CASQ2: variants seen among roughly 807,000 people sequenced by gnomAD.
CASQ2 encodes the protein calsequestrin-2.
In CASQ2, 49 loss-of-function variants were observed where a neutral mutation model predicts 46.5. The observed-to-expected ratio is 1.05, with a 90% CI of 0.84 to 1.34. The LOEUF (loss-of-function observed/expected upper bound fraction) is 1.34, where lower values mean the gene tolerates loss of function less well. CASQ2 is among the 40% of genes most tolerant of loss of function. The probability of loss-of-function intolerance (pLI) is 0.00; values close to 1 mark genes in which losing one functional copy is unlikely to be tolerated. For missense variants in CASQ2, 486 were observed against 481.3 expected, an observed-to-expected ratio of 1.01 and a Z score of -0.09; for synonymous variants, 174 against 168.5, an observed-to-expected ratio of 1.03 and a Z score of -0.25.
intron 5 of CASQ2, among the ~76,000 whole-genome samples, chr1:115,727,877 T>G (rs1235524986): frequency 6.6e-6 from 1 of 152,236 alleles, no homozygotes; most frequent in Non-Finnish European, 1.5e-5. Flanking sequence ...GGAAGACATT[T>G]TCTCTCTGGA....
At chr1:115,719,291 G>A (rs145820201) in intron 7 of CASQ2, among the ~76,000 whole-genome samples, 63 of 152,168 alleles carry the variant, frequency 4.1e-4, no homozygotes, top group African/African-American at 1.4e-3. Flanking sequence ...GCAACCAGAA[G>A]GGGAGTCTGA....
At chr1:115,715,379 G>A (rs1178705501) in intron 8 of CASQ2, among the ~76,000 whole-genome samples, 11 of 152,076 alleles carry the variant, frequency 7.2e-5, no homozygotes, top group African/African-American at 2.2e-4. Context: ...AATATTATTC[G>A]GCCCTTAAAA....
intron 8 of CASQ2, among the ~76,000 whole-genome samples, chr1:115,711,994 A>G (rs535988725): frequency 1.3e-5 from 2 of 152,250 alleles, no homozygotes; most frequent in East Asian, 3.9e-4. Flanking sequence ...AGTTCCCACA[A>G]CATCTTAAGC....
intron 4 of CASQ2, among the ~76,000 whole-genome samples, chr1:115,733,251 A>T (rs1647848656): frequency 6.6e-6 from 1 of 152,154 alleles, no homozygotes; most frequent in Non-Finnish European, 1.5e-5. Context: ...AACCGGGAGG[A>T]AAAGAGAGAG....
intron 1 of CASQ2, among the ~76,000 whole-genome samples, chr1:115,767,547 C>A (rs1235109055): frequency 2.6e-5 from 4 of 152,132 alleles, no homozygotes; most frequent in Admixed American, 6.5e-5. Context: ...TTCTTGGCAC[C>A]CTCAGGCCCT....
chr1:115,761,427 A>AAC (rs1648935020), intron 1 of CASQ2, among the ~76,000 whole-genome samples: 1 of 2,456 alleles, frequency 4.1e-4, no homozygotes, highest in African/African-American at 2.3e-3. Flanking sequence ...GAAGAAGAAG[A>AAC]AGAAGAAGAA....
chr1:115,711,383 T>C (rs1281071202), intron 8 of CASQ2, among the ~76,000 whole-genome samples: 2 of 152,190 alleles, frequency 1.3e-5, no homozygotes, highest in African/African-American at 4.8e-5. Flanking sequence ...TTGCACAGGT[T>C]GCTTAACCGC....
At chr1:115,764,468 G>T (rs747477287) in intron 1 of CASQ2, among the ~76,000 whole-genome samples, 2 of 152,064 alleles carry the variant, frequency 1.3e-5, no homozygotes, top group Non-Finnish European at 2.9e-5. Context: ...TACTTTTATT[G>T]CCTTTTAGTT....
intron 10 of CASQ2, 36 bp downstream of exon 10, chr1:115,702,885 A>G (rs1382754339): frequency 6.6e-7 from 1 of 1,516,430 alleles, no homozygotes; most frequent in East Asian, 2.3e-5. Context: ...GGGCAGGCCA[A>G]GGGTGCCTGA....
chr1:115,738,012 C>T (rs532742001), intron 4 of CASQ2, among the ~76,000 whole-genome samples: 29 of 152,172 alleles, frequency 1.9e-4, no homozygotes, highest in Non-Finnish European at 3.2e-4. Context: ...GCTGGAGAAC[C>T]TGGCCCCTCC....
Position 115,711,593 on chromosome 1 carries a change from A to G in CASQ2, c.838+6247T>C, listed in dbSNP as rs12734457. 8.6e-3 allele frequency among the ~76,000 whole-genome samples: 1,266 copies of G among 147,554 alleles called. 24 individuals carry two copies. The highest frequency in any genetic ancestry group is 0.028 in the African/African-American group (1,106 of 40,168). On this transcript the variant is annotated intron_variant, in intron 8 of 10. Coordinates refer to ENST00000261448, the MANE Select transcript of CASQ2 (RefSeq NM_001232.4). ...CCATCAAACTCTTACTCATTTTAAGATTTTTTTTTTTTTCACTACTTTGAT... is the reference window on the plus strand; with the variant it reads ...CCATCAAACTCTTACTCATTTTAAGGTTTTTTTTTTTTTCACTACTTTGAT...
intron 1 of CASQ2, among the ~76,000 whole-genome samples, chr1:115,746,357 T>A (rs1454055119): frequency 6.6e-6 from 1 of 152,210 alleles, no homozygotes; most frequent in East Asian, 1.9e-4. Flanking sequence ...AATAGTACAA[T>A]TGCTGGGTTG....
Position 115,701,017 on chromosome 1 carries a change from A to G in CASQ2, c.*224T>C. 1.5e-6 allele frequency: 1 copy of G among 666,134 alleles called. No homozygotes were observed. The highest frequency in any genetic ancestry group is 2.7e-6 in the Non-Finnish European group (1 of 374,284). The allele number at this position is 666,134 out of a possible 1,614,324, so 41.3% of individuals were successfully genotyped here. ...TTCCGTGACAGTCAAGACAGTCAAC[A>G]TGGGAATAATTTTTCTCCTGTCCCT... On this transcript the variant is annotated 3_prime_UTR_variant, in exon 11 of 11. Coordinates refer to ENST00000261448, the MANE Select transcript of CASQ2 (RefSeq NM_001232.4).
chr1:115,751,892 A>G (rs1648594846), intron 1 of CASQ2, among the ~76,000 whole-genome samples: 1 of 152,132 alleles, frequency 6.6e-6, no homozygotes, highest in Non-Finnish European at 1.5e-5. Context: ...TTCCAGCCTC[A>G]TCTGGGGTCA....
intron 8 of CASQ2, among the ~76,000 whole-genome samples, chr1:115,712,770 C>T (rs893278299): frequency 2.0e-5 from 3 of 150,194 alleles, no homozygotes; most frequent in Admixed American, 1.3e-4. Context: ...GCAGGAGAAT[C>T]GCTTGAACCC....
rs1654171592 is a variant in CASQ2, at chr1:115,700,470, T to G, written c.*771A>C. The G allele has an allele frequency of 6.5e-6, 1 of 152,826 alleles. No homozygotes were observed. Among genetic ancestry groups the G allele is most frequent in the Admixed American group, 6.5e-5 (1 of 15,336 alleles). The allele number at this position is 152,826 out of a possible 1,614,324, so 9.5% of individuals were successfully genotyped here. ...AAAAATGTAAAAGTTTTCATCTTTC[T>G]AGTTTTCCCCCACCCTCCACTCCTG... On this transcript the variant is annotated 3_prime_UTR_variant, in exon 11 of 11. Transcript: ENST00000261448.
intron 8 of CASQ2, among the ~76,000 whole-genome samples, chr1:115,714,768 G>T (rs1286900177): frequency 1.3e-5 from 2 of 152,138 alleles, no homozygotes; most frequent in Admixed American, 1.3e-4. Context: ...ACCCTGAGTG[G>T]CAAGGCCCTT....
intron 1 of CASQ2, among the ~76,000 whole-genome samples, chr1:115,755,374 T>C (rs1022856104): frequency 1.4e-4 from 21 of 152,164 alleles, no homozygotes; most frequent in Non-Finnish European, 1.5e-4. Flanking sequence ...AAGTTTCACA[T>C]GATACTCAGT....
intron 1 of CASQ2, among the ~76,000 whole-genome samples, chr1:115,764,150 A>G (rs1345341373): frequency 6.6e-6 from 1 of 152,242 alleles, no homozygotes; most frequent in Non-Finnish European, 1.5e-5. Context: ...AACTTTAGCC[A>G]GAAATCAAAG....
Sources: gnomAD v4.1 joint callset for allele counts (sites outside exome capture counted in the v4.1 genomes callset) on GRCh38, gnomAD v4.1.1 for gene constraint, MANE v1.5 for transcripts, NCBI Gene and HGNC (gene_info 2026-07-23, HGNC 2026-07-21) for gene names.